Variants in PLCXD3 observed in about 807,000 individuals in gnomAD.
The protein encoded by PLCXD3 is PI-PLC X domain-containing protein 3.
A neutral mutation model predicts 25.5 loss-of-function variants in PLCXD3; 19 were observed. The observed-to-expected ratio is 0.75, with a 90% CI of 0.52 to 1.09. The LOEUF (loss-of-function observed/expected upper bound fraction) is 1.09, where lower values mean the gene tolerates loss of function less well. PLCXD3 is among the 50% of genes least tolerant of loss of function. The pLI is 0.00. For synonymous variants in PLCXD3, 174 were observed against 137.6 expected, an observed-to-expected ratio of 1.26 and a Z score of -1.85; for missense variants, 411 against 388.1, an observed-to-expected ratio of 1.06 and a Z score of -0.50.
At chr5:41,426,060 A>G (rs1746948660) in intron 1 of PLCXD3, among the ~76,000 whole-genome samples, 1 of 152,190 alleles carries the variant, frequency 6.6e-6, no homozygotes, top group Admixed American at 6.5e-5. Flanking sequence ...GTTCCATTTT[A>G]CATTCCCACG....
intron 2 of PLCXD3, among the ~76,000 whole-genome samples, chr5:41,350,619 T>G (rs1222948056): frequency 6.6e-6 from 1 of 152,202 alleles, no homozygotes; most frequent in East Asian, 1.9e-4. Context: ...TAGGGTATTC[T>G]GAGCATATAA....
intron 1 of PLCXD3, among the ~76,000 whole-genome samples, chr5:41,442,334 A>G (rs1184961598): frequency 6.6e-6 from 1 of 152,210 alleles, no homozygotes; most frequent in Non-Finnish European, 1.5e-5. Flanking sequence ...GACAGTTTTC[A>G]GTGCCAAAGA....
In PLCXD3 at chr5:41,313,475, G is replaced by A. The variant is rs1313570359; in HGVS notation, c.*142C>T. ...TATGATTGTAATCACTGAAGAAACA[G>A]TTTTTCCCCTTTTCCCACCCACTAC... On this transcript the variant is annotated 3_prime_UTR_variant, in exon 3 of 3. Coordinates refer to ENST00000377801, the MANE Select transcript of PLCXD3 (RefSeq NM_001005473.3). 3.4e-6 allele frequency: 3 copies of A among 877,426 alleles called. No individual in the cohort carries two copies. The highest frequency in any genetic ancestry group is 5.1e-6 in the Non-Finnish European group (3 of 582,702). 54.4% of individuals were successfully genotyped at this position (877,426 alleles called of 1,614,324 possible). A position where few individuals can be genotyped will look rare whatever the true frequency, so the allele number is the denominator to read the frequency against.
intron 1 of PLCXD3, among the ~76,000 whole-genome samples, chr5:41,396,283 G>A (rs539203699): frequency 6.6e-6 from 1 of 152,026 alleles, no homozygotes; most frequent in Non-Finnish European, 1.5e-5. Flanking sequence ...AGTTCTCAAC[G>A]GATCTGGTTG....
At chr5:41,493,426 C>G (rs1294626046) in intron 1 of PLCXD3, among the ~76,000 whole-genome samples, 2 of 152,226 alleles carry the variant, frequency 1.3e-5, no homozygotes, top group Admixed American at 1.3e-4. Flanking sequence ...TCTCAGATCT[C>G]CAGCTGCATA....
chr5:41,450,735 C>T (rs1747609833), intron 1 of PLCXD3, among the ~76,000 whole-genome samples: 1 of 152,070 alleles, frequency 6.6e-6, no homozygotes, highest in Non-Finnish European at 1.5e-5. Context: ...CCCGGGCTGC[C>T]TCAGATACCA....
intron 1 of PLCXD3, among the ~76,000 whole-genome samples, chr5:41,420,110 T>C (rs960906211): frequency 1.1e-4 from 17 of 152,314 alleles, no homozygotes; most frequent in African/African-American, 4.1e-4. Flanking sequence ...GGGTATAAAT[T>C]ATAAATAAAG....
rs373536918 is a variant in PLCXD3 at position 41,356,302 on chromosome 5, C to A, written c.812+25524G>T. On this transcript the variant is annotated intron_variant, in intron 2 of 2. Transcript: ENST00000377801. ...AAACAAACAAAACCATGAACATGTT[C>A]ATGTGCCTGAGAAATGAACTACAAT... 4.6e-5 allele frequency among the ~76,000 whole-genome samples: 7 copies of A among 152,202 alleles called. 1 individual carries two copies. Among genetic ancestry groups the A allele is most frequent in the African/African-American group, 1.7e-4 (7 of 41,532 alleles).
chr5:41,483,761 C>G lies in PLCXD3; in HGVS notation c.103+26663G>C, dbSNP rs142008717. On this transcript the variant is annotated intron_variant, in intron 1 of 2. Transcript: ENST00000377801. ...AAAAACAAATGTTTAAAAAATATGA[C>G]AATATTTCAGTCTTAAAAGGAATTG... Among the ~76,000 whole-genome samples, 11 of 152,182 alleles carry G rather than the reference C, an allele frequency of 7.2e-5. No individual in the cohort carries two copies. The East Asian group carries it at 2.1e-3, about 29-fold the overall frequency.
chr5:41,456,768 A>G (rs1386178610), intron 1 of PLCXD3, among the ~76,000 whole-genome samples: 1 of 151,888 alleles, frequency 6.6e-6, no homozygotes, highest in Non-Finnish European at 1.5e-5. Flanking sequence ...TAGCAAAAAG[A>G]CAGCCATCTA....
intron 1 of PLCXD3, among the ~76,000 whole-genome samples, chr5:41,391,357 T>C (rs1349803141): frequency 1.3e-5 from 2 of 152,176 alleles, no homozygotes; most frequent in African/African-American, 4.8e-5. Context: ...GTCTTTCATC[T>C]TGGATACCAA....
intron 1 of PLCXD3, among the ~76,000 whole-genome samples, chr5:41,453,487 C>T (rs1184879670): frequency 2.0e-5 from 3 of 151,766 alleles, no homozygotes; most frequent in East Asian, 1.9e-4. Flanking sequence ...CAAGAATAGG[C>T]AGATGTGAGT....
At chr5:41,477,736 C>A (rs1748312550) in intron 1 of PLCXD3, among the ~76,000 whole-genome samples, 1 of 152,130 alleles carries the variant, frequency 6.6e-6, no homozygotes, top group African/African-American at 2.4e-5. Context: ...TGTCCTATAT[C>A]TCAGTGCAAT....
In PLCXD3 at chr5:41,312,160, C is replaced by T. The variant is rs1209951940; in HGVS notation, c.*1457G>A. 1 of 152,246 alleles carries T rather than the reference C, an allele frequency of 6.6e-6. No homozygotes were observed. Among genetic ancestry groups the T allele is most frequent in the East Asian group, 1.9e-4 (1 of 5,176 alleles). 9.4% of individuals were successfully genotyped at this position (152,246 alleles called of 1,614,324 possible). On this transcript the variant is annotated 3_prime_UTR_variant, in exon 3 of 3. Transcript: ENST00000377801. ...CACGAAGGAGGAAGTAACGCTCAAG[C>T]TGTGTCATTGTTCTTCCCTGTAGAC...
At chr5:41,415,883 C>G (rs187460711) in intron 1 of PLCXD3, among the ~76,000 whole-genome samples, 7 of 152,216 alleles carry the variant, frequency 4.6e-5, no homozygotes, top group Admixed American at 4.6e-4. Flanking sequence ...TATAATGGAA[C>G]TGTGTGGATA....
chr5:41,360,678 C>T (rs756325909), intron 2 of PLCXD3, among the ~76,000 whole-genome samples: 5 of 151,652 alleles, frequency 3.3e-5, no homozygotes, highest in Non-Finnish European at 7.4e-5. Flanking sequence ...CTGGTACTGG[C>T]GAGTGTCTGC....
intron 1 of PLCXD3, among the ~76,000 whole-genome samples, chr5:41,469,663 T>A (rs529227486): frequency 6.6e-6 from 1 of 152,332 alleles, no homozygotes; most frequent in South Asian, 2.1e-4. Flanking sequence ...AGTAGTTTTA[T>A]GATCCTTAGA....
At chr5:41,372,298 TCACACACACACACACACACACACA>T (rs71608605) in intron 2 of PLCXD3, among the ~76,000 whole-genome samples, 1 of 110,710 alleles carries the variant, frequency 9.0e-6, no homozygotes, top group Non-Finnish European at 1.8e-5. Context: ...TCTCTCTCTC[TCACACACACACACACACACACACA>T]CACACACACA....
chr5:41,387,841 T>G (rs550470907), intron 1 of PLCXD3, among the ~76,000 whole-genome samples: 6 of 152,134 alleles, frequency 3.9e-5, no homozygotes, highest in Non-Finnish European at 7.4e-5. Context: ...CAGCTTAATA[T>G]GTGATGCACA....
Sources: allele counts gnomAD v4.1 joint callset (sites outside exome capture counted in the v4.1 genomes callset), GRCh38; gene constraint gnomAD v4.1.1; transcripts MANE v1.5; gene names NCBI Gene and HGNC (gene_info 2026-07-23, HGNC 2026-07-21).